Variants in NRG3 observed in about 807,000 individuals in gnomAD.
NRG3 encodes pro-neuregulin-3, membrane-bound isoform.
NRG3 carries 31 observed loss-of-function variants against 66.9 expected under a neutral mutation model. The ratio of observed to expected loss-of-function variants is 0.46; its 90% CI spans 0.35 to 0.63. NRG3 has a LOEUF of 0.63. Ranked by LOEUF, NRG3 falls within the 20% of genes least tolerant of loss-of-function variation. NRG3 has a pLI of 0.00. For synonymous variants in NRG3, 393 were observed against 359.4 expected (o/e 1.09, Z -1.06); for missense variants, 910 against 878.9 (o/e 1.04, Z -0.45).
At chr10:82,787,128 T>G (rs899549439) in intron 3 of NRG3, among the ~76,000 whole-genome samples, 3 of 151,524 alleles carry the variant, frequency 2.0e-5, no homozygotes, top group Non-Finnish European at 4.4e-5. Context: ...ATGTCTTGTA[T>G]TGTTTCTTAT....
rs549048412 is a variant in NRG3 at position 82,970,809 on chromosome 10, A to G, written c.1285-2979A>G. 2.6e-4 allele frequency among the ~76,000 whole-genome samples: 39 copies of G among 152,298 alleles called. No homozygotes were observed. The South Asian group carries it at 2.7e-3, about 11-fold the overall frequency. On this transcript the variant is annotated intron_variant, in intron 6 of 8. Coordinates refer to ENST00000372141, the MANE Select transcript of NRG3 (RefSeq NM_001010848.4). Reference sequence around the variant, plus strand: ...CTTTCTCCCATAAGGTTAGGAATACATCTCCCATATAGTTTTATAAAGGTT... The same window carrying G: ...CTTTCTCCCATAAGGTTAGGAATACGTCTCCCATATAGTTTTATAAAGGTT...
At chr10:82,227,343 T>G (rs2076216637) in intron 1 of NRG3, among the ~76,000 whole-genome samples, 1 of 152,154 alleles carries the variant, frequency 6.6e-6, no homozygotes, top group Non-Finnish European at 1.5e-5. Context: ...GAATACTTAC[T>G]AAGCTCCTGA....
At chr10:82,581,002 T>C (rs1397255849) in intron 2 of NRG3, among the ~76,000 whole-genome samples, 3 of 151,878 alleles carry the variant, frequency 2.0e-5, no homozygotes, top group East Asian at 3.9e-4. Context: ...TAAGAGTATA[T>C]TTAGTTTTAT....
At chr10:81,990,702 T>G (rs901764328) in intron 1 of NRG3, among the ~76,000 whole-genome samples, 11 of 152,150 alleles carry the variant, frequency 7.2e-5, no homozygotes, top group African/African-American at 2.7e-4. Context: ...GAAAAGAGAC[T>G]TATAGCAGCC....
chr10:81,947,538 AG>A (rs1344384345), intron 1 of NRG3, among the ~76,000 whole-genome samples: 3 of 152,066 alleles, frequency 2.0e-5, no homozygotes, highest in Non-Finnish European at 2.9e-5. Flanking sequence ...CATTGCTCAT[AG>A]TGGCATTCTG....
chr10:82,297,307 G>A (rs572478897), intron 1 of NRG3, among the ~76,000 whole-genome samples: 1 of 152,064 alleles, frequency 6.6e-6, no homozygotes, highest in Non-Finnish European at 1.5e-5. Flanking sequence ...CTCAGTAGTA[G>A]GATTGCTGGG....
chr10:82,821,852 A>G (rs1175122390), intron 3 of NRG3, among the ~76,000 whole-genome samples: 2 of 152,186 alleles, frequency 1.3e-5, no homozygotes, highest in African/African-American at 2.4e-5. Context: ...CACTCAATGT[A>G]TAATTGAACC....
At chr10:82,684,508 C>A (rs1331239732) in intron 2 of NRG3, among the ~76,000 whole-genome samples, 4 of 151,700 alleles carry the variant, frequency 2.6e-5, no homozygotes, top group African/African-American at 9.7e-5. Context: ...AGAAGTAAGC[C>A]AAAAATCAAT....
At chr10:82,914,404 A>G (rs1845635220) in intron 4 of NRG3, among the ~76,000 whole-genome samples, 1 of 152,148 alleles carries the variant, frequency 6.6e-6, no homozygotes, top group East Asian at 1.9e-4. Context: ...AGGGATTGAC[A>G]TAAGTAAGCC....
intron 1 of NRG3, among the ~76,000 whole-genome samples, chr10:82,251,175 C>T (rs956608420): frequency 1.3e-5 from 2 of 152,128 alleles, no homozygotes; most frequent in Non-Finnish European, 2.9e-5. Flanking sequence ...TTCCCCCTGG[C>T]ACTTAAAGCT....
At chr10:82,335,138 C>G (rs2082323985) in intron 1 of NRG3, among the ~76,000 whole-genome samples, 2 of 152,164 alleles carry the variant, frequency 1.3e-5, no homozygotes, top group African/African-American at 2.4e-5. Flanking sequence ...TGCCAATATT[C>G]AGACTGAGAA....
chr10:82,115,811 G>GGT (rs2067674381), intron 1 of NRG3, among the ~76,000 whole-genome samples: 2 of 152,078 alleles, frequency 1.3e-5, no homozygotes, highest in African/African-American at 4.8e-5. Context: ...TAAGTACTGG[G>GGT]TGACTGCTCA....
chr10:82,978,657 C>T (rs3818306), intron 7 of NRG3, among the ~76,000 whole-genome samples: 58,340 of 151,944 alleles, frequency 0.38, 12,073 homozygotes, highest in Middle Eastern at 0.49. Context: ...TCCTTAAGTT[C>T]ACCTCTTACC....
intron 1 of NRG3, among the ~76,000 whole-genome samples, chr10:82,303,336 A>AACACACACACACACACACACACAC (rs144860357): frequency 3.4e-5 from 5 of 149,236 alleles, no homozygotes; most frequent in African/African-American, 1.2e-4. Context: ...TGCGTGTATA[A>AACACACACACACACACACACACAC]ACACACACAC....
chr10:82,152,347 C>T (rs866163928), intron 1 of NRG3, among the ~76,000 whole-genome samples: 20 of 152,246 alleles, frequency 1.3e-4, no homozygotes, highest in Middle Eastern at 6.8e-3. Context: ...TTTAATTGAC[C>T]TATCCATATG....
intron 1 of NRG3, among the ~76,000 whole-genome samples, chr10:81,957,876 A>G (rs10883973): frequency 0.16 from 25,100 of 152,192 alleles, 3,095 homozygotes; most frequent in East Asian, 0.34. Flanking sequence ...AGCTTTTTAA[A>G]TTAATATTTG....
chr10:82,907,216 TG>T (rs2131936139), intron 4 of NRG3, among the ~76,000 whole-genome samples: 1 of 152,340 alleles, frequency 6.6e-6, no homozygotes, highest in Non-Finnish European at 1.5e-5. Flanking sequence ...TTTAGTTCAC[TG>T]GGGGATAAAT....
At chr10:82,091,884 T>G (rs1372274654) in intron 1 of NRG3, among the ~76,000 whole-genome samples, 1 of 152,170 alleles carries the variant, frequency 6.6e-6, no homozygotes, top group African/African-American at 2.4e-5. Flanking sequence ...GATTTGCACT[T>G]TCCCAGTAGT....
chr10:82,365,981 G>C (rs2084496704), intron 2 of NRG3, among the ~76,000 whole-genome samples: 1 of 152,118 alleles, frequency 6.6e-6, no homozygotes, highest in Non-Finnish European at 1.5e-5. Context: ...TCCAAGAATT[G>C]ACACAAATTT....
Sources: allele counts gnomAD v4.1 joint callset (sites outside exome capture counted in the v4.1 genomes callset), GRCh38; gene constraint gnomAD v4.1.1; transcripts MANE v1.5; gene names NCBI Gene and HGNC (gene_info 2026-07-23, HGNC 2026-07-21).